MAD1L1: variants seen among roughly 807,000 people sequenced by gnomAD.
MAD1L1 encodes the protein mitotic arrest deficient 1 like 1, also known as mitotic spindle assembly checkpoint protein MAD1.
A neutral mutation model predicts 96.9 loss-of-function variants in MAD1L1; 95 were observed. That is an observed-to-expected ratio of 0.98 (90% CI 0.83 to 1.16). The LOEUF (loss-of-function observed/expected upper bound fraction) is 1.16. Ranked by LOEUF, MAD1L1 falls within the 50% of genes most tolerant of loss-of-function variation. The probability of loss-of-function intolerance (pLI) is 0.00; values close to 1 mark genes in which losing one functional copy is unlikely to be tolerated. For synonymous variants in MAD1L1, 473 were observed against 396.6 expected (o/e 1.19, Z -2.29); for missense variants, 1,007 against 954.4 (o/e 1.06, Z -0.73).
chr7:1,984,026 T>C (rs559481209), intron 14 of MAD1L1, among the ~76,000 whole-genome samples: 1 of 152,364 alleles, frequency 6.6e-6, no homozygotes, highest in South Asian at 2.1e-4. Context: ...TTAATCCATA[T>C]ATTTACATGC....
intron 17 of MAD1L1, among the ~76,000 whole-genome samples, chr7:1,908,434 TGCAGTG>T (rs1244276230): frequency 2.6e-5 from 4 of 152,142 alleles, no homozygotes; most frequent in African/African-American, 9.7e-5. Context: ...CAGGCTGGAG[TGCAGTG>T]GCGCGATCGT....
chr7:1,922,621 G>C (rs751456314), intron 17 of MAD1L1, among the ~76,000 whole-genome samples: 1 of 152,168 alleles, frequency 6.6e-6, no homozygotes, highest in African/African-American at 2.4e-5. Context: ...TTTCCAGTCC[G>C]TGTGCCTTCG....
intron 12 of MAD1L1, among the ~76,000 whole-genome samples, chr7:2,041,127 G>C (rs1173776675): frequency 6.6e-6 from 1 of 152,170 alleles, no homozygotes; most frequent in African/African-American, 2.4e-5. Context: ...GTCGGAAAAA[G>C]CTCAAGGCTG....
chr7:2,199,104 C>T (rs573515523), intron 10 of MAD1L1, among the ~76,000 whole-genome samples: 2 of 152,348 alleles, frequency 1.3e-5, no homozygotes, highest in African/African-American at 4.8e-5. Flanking sequence ...GAAAGATGCG[C>T]AACTCCAGCT....
chr7:2,014,106 G>A (rs907571247), intron 13 of MAD1L1, among the ~76,000 whole-genome samples: 1 of 152,186 alleles, frequency 6.6e-6, no homozygotes, highest in Non-Finnish European at 1.5e-5. Context: ...CCCCAGCAGC[G>A]GGGACTAGAG....
Position 1,898,407 on chromosome 7 carries a change from A to G in MAD1L1, c.1808-17T>C, listed in dbSNP as rs371990269. ...TCTTCAGCTCTGCGGGAGGGACGGA[A>G]GGAGACAGTGAGTGCGGCACCAGGC... On this transcript the variant is annotated splice_polypyrimidine_tract_variant and intron_variant, in intron 17 of 18. Transcript: ENST00000265854. 1.0e-4 allele frequency: 162 copies of G among 1,611,622 alleles called. 2 individuals are homozygous for G. The African/African-American group carries it at 1.7e-3, about 17-fold the overall frequency.
chr7:2,115,814 A>T (rs1787658325), intron 11 of MAD1L1, among the ~76,000 whole-genome samples: 3 of 152,252 alleles, frequency 2.0e-5, no homozygotes, highest in Admixed American at 6.5e-5. Flanking sequence ...GAACGCACTG[A>T]GGTGCTGCCA....
chr7:1,957,738 G>C lies in MAD1L1; in HGVS notation c.1506-19C>G. 6.2e-7 allele frequency: 1 copy of C among 1,612,802 alleles called. No homozygotes were observed. The highest frequency in any genetic ancestry group is 8.5e-7 in the Non-Finnish European group (1 of 1,178,924). The stretch of plus-strand genomic sequence containing the variant: ...CTTCAACCTGCAAGGACAGCAAGAC[G>C]GTGACCAGGTGTCCGAGGCCAGCCA... On this transcript the variant is annotated intron_variant, in intron 15 of 18. Transcript: ENST00000265854.
chr7:1,873,937 G>A (rs1408152780), intron 18 of MAD1L1, among the ~76,000 whole-genome samples: 1 of 149,998 alleles, frequency 6.7e-6, no homozygotes, highest in African/African-American at 2.5e-5. Context: ...GAGCACACAG[G>A]CCCAGGCTGA....
intron 16 of MAD1L1, among the ~76,000 whole-genome samples, chr7:1,947,899 A>G (rs1343593063): frequency 6.6e-6 from 1 of 152,164 alleles, no homozygotes; most frequent in African/African-American, 2.4e-5. Flanking sequence ...ATTCCAGGAA[A>G]GCAGCTCCCA....
At chr7:2,113,955 G>A (rs761668708) in intron 11 of MAD1L1, among the ~76,000 whole-genome samples, 60 of 152,280 alleles carry the variant, frequency 3.9e-4, no homozygotes, top group Non-Finnish European at 6.6e-4. Flanking sequence ...GGCAGGACAG[G>A]GCCACCAAAC....
chr7:1,988,201 C>T (rs761052553), intron 14 of MAD1L1, among the ~76,000 whole-genome samples: 4 of 152,184 alleles, frequency 2.6e-5, no homozygotes, highest in African/African-American at 4.8e-5. Flanking sequence ...CCCTGCTGAA[C>T]GCTTCCTGAC....
At chr7:2,203,400 G>A (rs1268206608) in intron 10 of MAD1L1, among the ~76,000 whole-genome samples, 2 of 152,212 alleles carry the variant, frequency 1.3e-5, no homozygotes, top group Non-Finnish European at 2.9e-5. Context: ...TTAGGTGACG[G>A]CAGTCACACG....
chr7:1,901,857 C>T (rs1031006817), intron 17 of MAD1L1, among the ~76,000 whole-genome samples: 5 of 152,218 alleles, frequency 3.3e-5, no homozygotes, highest in Non-Finnish European at 7.4e-5. Flanking sequence ...AGCAACTCCC[C>T]TCTGCCTAGA....
In MAD1L1 at chr7:2,146,645, A is replaced by G. The variant is rs1278936589; in HGVS notation, c.1073+2507T>C. Among the ~76,000 whole-genome samples, 1 of 152,232 alleles carries G rather than the reference A, an allele frequency of 6.6e-6. No homozygotes were observed. Among genetic ancestry groups the G allele is most frequent in the African/African-American group, 2.4e-5 (1 of 41,444 alleles). On this transcript the variant is annotated intron_variant, in intron 11 of 18. Transcript: ENST00000265854. This position sits in a 1 kb window ranked among gnomAD's most constrained non-coding sequence, Gnocchi z 6.2. ...CAGGGCTCTGTTCTTCAGTGACTAC[A>G]AGCTACTTTCAATGAGAAACAAACA...
At chr7:2,131,419 A>T (rs1051740054) in intron 11 of MAD1L1, among the ~76,000 whole-genome samples, 2 of 152,358 alleles carry the variant, frequency 1.3e-5, no homozygotes, top group Admixed American at 1.3e-4. Flanking sequence ...CAGAGCATGG[A>T]GATGAGAGGA....
chr7:2,011,142 C>T (rs776232308), intron 13 of MAD1L1, among the ~76,000 whole-genome samples: 6 of 152,192 alleles, frequency 3.9e-5, no homozygotes, highest in Admixed American at 3.3e-4. Context: ...CCCCACCCCC[C>T]GACCGTGAGG....
chr7:1,899,488 T>C (rs1024933187), intron 17 of MAD1L1, among the ~76,000 whole-genome samples: 4 of 152,168 alleles, frequency 2.6e-5, no homozygotes, highest in Non-Finnish European at 4.4e-5. Context: ...ATCACAGGAC[T>C]GCTGTAGGCG....
chr7:2,111,233 A>G (rs927200278), intron 11 of MAD1L1, among the ~76,000 whole-genome samples: 7 of 152,214 alleles, frequency 4.6e-5, no homozygotes, highest in Non-Finnish European at 7.3e-5. Context: ...CGTCCCACAG[A>G]TGAAGACTAG....
Sources: gnomAD v4.1 joint callset for allele counts (sites outside exome capture counted in the v4.1 genomes callset) on GRCh38, gnomAD v4.1.1 for gene constraint, Gnocchi (gnomAD v3.1) non-coding constraint, MANE v1.5 for transcripts, NCBI Gene and HGNC (gene_info 2026-07-23, HGNC 2026-07-21) for gene names.